The following TMEFF1 variants were observed in gnomAD, a reference collection of about 807,000 sequenced individuals.
TMEFF1 encodes the protein tomoregulin-1.
Under a neutral mutation model 47.5 loss-of-function variants are expected in TMEFF1, and 20 were observed. That is an observed-to-expected ratio of 0.42 (90% CI 0.30 to 0.61). The LOEUF (loss-of-function observed/expected upper bound fraction) is 0.61, where lower values mean the gene tolerates loss of function less well. Among genes scored for constraint, TMEFF1 ranks in the 20% least tolerant of loss-of-function variants. The probability of loss-of-function intolerance (pLI) is 0.19; values close to 1 mark genes in which losing one functional copy is unlikely to be tolerated. For synonymous variants in TMEFF1, 162 were observed against 166.3 expected, an observed-to-expected ratio of 0.97 and a Z score of 0.20; for missense variants, 411 against 471.1, an observed-to-expected ratio of 0.87 and a Z score of 1.18.
chr9:100,544,314 T>C (rs886421085), intron 5 of TMEFF1, among the ~76,000 whole-genome samples: 12 of 152,210 alleles, frequency 7.9e-5, no homozygotes, highest in African/African-American at 2.9e-4. Flanking sequence ...CAGTTCCATG[T>C]GGCTGGGGAG....
intron 8 of TMEFF1, among the ~76,000 whole-genome samples, chr9:100,569,407 G>A (rs984029233): frequency 6.6e-6 from 1 of 151,924 alleles, no homozygotes; most frequent in Non-Finnish European, 1.5e-5. Flanking sequence ...TTATTGAGTT[G>A]TATTAGTTAT....
chr9:100,515,710 C>G (rs1009398740), intron 4 of TMEFF1, among the ~76,000 whole-genome samples: 5 of 151,856 alleles, frequency 3.3e-5, no homozygotes, highest in African/African-American at 9.7e-5. Context: ...CACTTGAACC[C>G]AGGAGGCAGA....
intron 1 of TMEFF1, among the ~76,000 whole-genome samples, chr9:100,497,318 G>GTTTTTTTT (rs1328828062): frequency 1.2e-5 from 1 of 84,880 alleles, no homozygotes; most frequent in African/African-American, 4.8e-5. Context: ...TTCCACTCAT[G>GTTTTTTTT]TCTTTTTTTT....
intron 1 of TMEFF1, among the ~76,000 whole-genome samples, chr9:100,489,466 C>T (rs1837511082): frequency 6.6e-6 from 1 of 152,172 alleles, no homozygotes; most frequent in Non-Finnish European, 1.5e-5. Flanking sequence ...GTTGGGATTA[C>T]AGGCGTGAGG....
intron 8 of TMEFF1, among the ~76,000 whole-genome samples, chr9:100,568,457 G>A (rs1366302298): frequency 6.6e-6 from 1 of 152,162 alleles, no homozygotes; most frequent in African/African-American, 2.4e-5. Flanking sequence ...CTCTTTAAAT[G>A]AGGACCAATG....
At chr9:100,486,315 TTACTGCAACCTC>T (rs1486581043) in intron 1 of TMEFF1, among the ~76,000 whole-genome samples, 1 of 152,230 alleles carries the variant, frequency 6.6e-6, no homozygotes. Context: ...TGATCTCGGC[TTACTGCAACCTC>T]TGCATCCCAG....
At chr9:100,560,865 T>C (rs1839001722) in intron 7 of TMEFF1, among the ~76,000 whole-genome samples, 1 of 152,204 alleles carries the variant, frequency 6.6e-6, no homozygotes, top group Non-Finnish European at 1.5e-5. Flanking sequence ...AGCAAAGCTA[T>C]TTTCACTTGG....
chr9:100,570,868 T>C (rs1313496665), intron 8 of TMEFF1, among the ~76,000 whole-genome samples: 1 of 152,170 alleles, frequency 6.6e-6, no homozygotes, highest in African/African-American at 2.4e-5. Context: ...AATACTGTTT[T>C]TATACTTCAA....
At chr9:100,492,729 T>C (rs997306997) in intron 1 of TMEFF1, among the ~76,000 whole-genome samples, 3 of 152,156 alleles carry the variant, frequency 2.0e-5, no homozygotes, top group African/African-American at 7.2e-5. Context: ...AAGTGTCAAC[T>C]GCTCTAGAAG....
chr9:100,498,741 TCAAA>T lies in TMEFF1; in HGVS notation c.197-20_197-17del, dbSNP rs760752628. Reference sequence around the variant, plus strand: ...CGTAATAAAAAGCCAAATATATATGTCAAACAATTTTTTTCTTTTGCAGAATTAA... The same window carrying T: ...CGTAATAAAAAGCCAAATATATATGTCAATTTTTTTCTTTTGCAGAATTAA... On this transcript the variant is annotated intron_variant, in intron 1 of 9. Coordinates refer to ENST00000374879, the MANE Select transcript of TMEFF1 (RefSeq NM_003692.5). The T allele has an allele frequency of 4.3e-6, 7 of 1,610,816 alleles. No individual in the cohort carries two copies. In the South Asian group the frequency reaches 6.6e-5, roughly 15 times the overall value.
At chr9:100,559,582 G>A (rs1176364140) in intron 7 of TMEFF1, among the ~76,000 whole-genome samples, 1 of 151,938 alleles carries the variant, frequency 6.6e-6, no homozygotes, top group South Asian at 2.1e-4. Context: ...GATATTTATT[G>A]GCTATATTGG....
At chr9:100,498,675 A>G in intron 1 of TMEFF1, 90 bp from the exon 2 acceptor site, 1 of 1,190,282 alleles carries the variant, frequency 8.4e-7, no homozygotes, top group Non-Finnish European at 1.2e-6. Context: ...CATTTTAAGG[A>G]CTTTTTCATA....
intron 2 of TMEFF1, among the ~76,000 whole-genome samples, chr9:100,506,766 CAA>C (rs58345253): frequency 1.2e-4 from 5 of 43,406 alleles, no homozygotes; most frequent in African/African-American, 1.8e-4. Flanking sequence ...GACTCCATCT[CAA>C]AAAAAAAAAA....
intron 1 of TMEFF1, among the ~76,000 whole-genome samples, chr9:100,495,231 A>G (rs1837630069): frequency 6.6e-6 from 1 of 152,136 alleles, no homozygotes. Flanking sequence ...CTAGATAAAA[A>G]CGTTCTCTTT....
chr9:100,489,701 A>G (rs1837515047), intron 1 of TMEFF1, among the ~76,000 whole-genome samples: 1 of 152,196 alleles, frequency 6.6e-6, no homozygotes, highest in South Asian at 2.1e-4. Context: ...TGTGTTACAT[A>G]CATTTTAAAA....
chr9:100,513,391 T>C (rs1838004000), intron 4 of TMEFF1, 58 bp downstream of exon 4: 3 of 1,528,736 alleles, frequency 2.0e-6, no homozygotes, highest in South Asian at 2.6e-5. Flanking sequence ...TTCTTTCTTT[T>C]TCTTTTTTTT....
chr9:100,548,688 T>A (rs1382032969), intron 6 of TMEFF1, among the ~76,000 whole-genome samples: 1 of 152,234 alleles, frequency 6.6e-6, no homozygotes, highest in Non-Finnish European at 1.5e-5. Flanking sequence ...TGTTTTTATC[T>A]GAGCTAAAGG....
At position 100,553,884 on chromosome 9, in the gene TMEFF1, T is replaced by C. The variant is rs144629076; in HGVS notation, c.775+3724T>C. ...AATTTATAGCACTGAAATGCACAAA[T>C]CTTGACCAATGAATATACTTCACAT... On this transcript the variant is annotated intron_variant, in intron 7 of 9. Coordinates refer to ENST00000374879, the MANE Select transcript of TMEFF1 (RefSeq NM_003692.5). 4.5e-3 allele frequency among the ~76,000 whole-genome samples: 681 copies of C among 152,288 alleles called. 8 individuals are homozygous for C. The highest frequency in any genetic ancestry group is 5.0e-3 in the Non-Finnish European group (338 of 68,020).
At chr9:100,491,418 A>C (rs1312335655) in intron 1 of TMEFF1, among the ~76,000 whole-genome samples, 3 of 152,234 alleles carry the variant, frequency 2.0e-5, no homozygotes, top group African/African-American at 7.2e-5. Flanking sequence ...AAAAGTTTGA[A>C]CATATTCTGT....
Sources: allele counts gnomAD v4.1 joint callset (sites outside exome capture counted in the v4.1 genomes callset), GRCh38; gene constraint gnomAD v4.1.1; transcripts MANE v1.5; gene names NCBI Gene and HGNC (gene_info 2026-07-23, HGNC 2026-07-21).